PMP22: variants seen among roughly 807,000 people sequenced by gnomAD.
PMP22 encodes peripheral myelin protein 22.
A neutral mutation model predicts 18.9 loss-of-function variants in PMP22; 2 were observed. The observed-to-expected ratio is 0.11, with a 90% CI of 0.04 to 0.33. The LOEUF is 0.33. Ranked by LOEUF, PMP22 falls within the 10% of genes least tolerant of loss-of-function variation. The probability of loss-of-function intolerance (pLI) is 1.00; values close to 1 mark genes in which losing one functional copy is unlikely to be tolerated. For missense variants in PMP22, 169 were observed against 202.2 expected, an observed-to-expected ratio of 0.84 and a Z score of 1.00; for synonymous variants, 95 against 89.2, an observed-to-expected ratio of 1.07 and a Z score of -0.37.
chr17:15,262,815 C>T (rs1052076223), intron 1 of PMP22, among the ~76,000 whole-genome samples: 6 of 152,328 alleles, frequency 3.9e-5, no homozygotes, highest in Admixed American at 6.5e-5. Context: ...TCCCCTGGCC[C>T]CGTGGAGACC....
At chr17:15,252,314 G>T (rs540175934) in intron 3 of PMP22, among the ~76,000 whole-genome samples, 2 of 152,276 alleles carry the variant, frequency 1.3e-5, no homozygotes, top group South Asian at 4.2e-4. Flanking sequence ...GCTGAGACTG[G>T]CAAGATTTAG....
chr17:15,249,761 G>A (rs1260955146), intron 3 of PMP22, among the ~76,000 whole-genome samples: 1 of 152,086 alleles, frequency 6.6e-6, no homozygotes, highest in African/African-American at 2.4e-5. Flanking sequence ...GAGAGACGGG[G>A]GTCACCCTGC....
intron 3 of PMP22, among the ~76,000 whole-genome samples, chr17:15,242,663 AC>A (rs1907451256): frequency 1.3e-5 from 2 of 152,188 alleles, no homozygotes; most frequent in Non-Finnish European, 2.9e-5. Context: ...TGTCAGGTAG[AC>A]CAAAAAGAAG....
At chr17:15,254,827 C>T (rs1214882004) in intron 3 of PMP22, among the ~76,000 whole-genome samples, 1 of 152,110 alleles carries the variant, frequency 6.6e-6, no homozygotes, top group Non-Finnish European at 1.5e-5. Context: ...AGCGTGGTGG[C>T]GCATGCCTGT....
At chr17:15,252,950 T>C (rs1908491371) in intron 3 of PMP22, among the ~76,000 whole-genome samples, 1 of 152,180 alleles carries the variant, frequency 6.6e-6, no homozygotes, top group Admixed American at 6.5e-5. Flanking sequence ...ACACGTCAGG[T>C]CCACACAAAT....
rs752025670 is a variant in PMP22 at position 15,230,989 on chromosome 17, G to A, written c.411C>T (p.Ile137=). The part of the protein sequence containing the change: ...NSDYSYGFAY[I]LAWVAFPLAL... Reference sequence around the variant, plus strand: ...CCAGGGGGAAGGCCACCCAGGCCAGGATGTAGGCGAAACCGTAGGAGTAAT... The same window carrying A: ...CCAGGGGGAAGGCCACCCAGGCCAGAATGTAGGCGAAACCGTAGGAGTAAT... The change falls in exon 5 of 5, where the codon ATC becomes ATT. Residue 137 remains isoleucine (I), a synonymous_variant. Coordinates refer to ENST00000312280, the MANE Select transcript of PMP22 (RefSeq NM_000304.4). 3.7e-6 allele frequency: 6 copies of A among 1,614,040 alleles called. No homozygotes were observed. The East Asian group carries it at 1.3e-4, about 36-fold the overall frequency.
At chr17:15,240,924 T>C (rs1907266031) in intron 3 of PMP22, among the ~76,000 whole-genome samples, 1 of 152,222 alleles carries the variant, frequency 6.6e-6, no homozygotes, top group South Asian at 2.1e-4. Flanking sequence ...TGTAAGCAGC[T>C]CATGGCAGAA....
Position 15,260,754 on chromosome 17 carries a change from G to C in PMP22, c.-27C>G. ...CTGGCGGCAAGTTCTGCTCAGCGGA[G>C]TTTCTGCCTGCGAGGAGAGCGCTGG... On this transcript the variant is annotated 5_prime_UTR_variant, in exon 2 of 5. Transcript: ENST00000312280. 2 of 1,542,954 alleles carry C rather than the reference G, an allele frequency of 1.3e-6. No homozygotes were observed. The highest frequency in any genetic ancestry group is 1.8e-6 in the Non-Finnish European group (2 of 1,139,166).
At chr17:15,262,038 G>C (rs528590634) in intron 1 of PMP22, among the ~76,000 whole-genome samples, 83 of 152,338 alleles carry the variant, frequency 5.4e-4, no homozygotes, top group African/African-American at 1.8e-3. Flanking sequence ...CAGAGGGTTT[G>C]AATTAAGCCG....
intron 4 of PMP22, chr17:15,235,348 G>C: frequency 1.4e-6 from 1 of 717,050 alleles, no homozygotes; most frequent in Non-Finnish European, 2.6e-6. Flanking sequence ...GCTCCTCTAT[G>C]TGCCCCACAT....
intron 3 of PMP22, among the ~76,000 whole-genome samples, chr17:15,245,807 C>T (rs113239910): frequency 1.1e-4 from 17 of 151,944 alleles, no homozygotes; most frequent in African/African-American, 3.9e-4. Flanking sequence ...GAGATCGAGA[C>T]CATGCTGGCT....
At chr17:15,263,528 G>A (rs1218479845) in intron 1 of PMP22, among the ~76,000 whole-genome samples, 1 of 152,016 alleles carries the variant, frequency 6.6e-6, no homozygotes, top group African/African-American at 2.4e-5. Context: ...CAGGGAGCAG[G>A]AATGTGGATG....
chr17:15,259,913 G>A (rs1412713637), intron 2 of PMP22, among the ~76,000 whole-genome samples: 1 of 147,356 alleles, frequency 6.8e-6, no homozygotes, highest in Non-Finnish European at 1.5e-5. Context: ...ACTCCAGCCC[G>A]GGTGACAGGC....
chr17:15,247,001 C>T (rs2005811), intron 3 of PMP22, among the ~76,000 whole-genome samples: 2,145 of 132,368 alleles, frequency 0.016, 55 homozygotes, highest in African/African-American at 0.058. Context: ...ACCCGGAAGG[C>T]GGAGACTGCA....
intron 2 of PMP22, among the ~76,000 whole-genome samples, chr17:15,259,641 C>A (rs551187258): frequency 1.3e-5 from 2 of 152,132 alleles, no homozygotes; most frequent in African/African-American, 4.8e-5. Flanking sequence ...CTCACAGAGA[C>A]TAGAAAATCA....
At position 15,258,773 on chromosome 17, in the gene PMP22, G is replaced by A; in HGVS notation, c.178+321C>T. 2.5e-6 allele frequency: 1 copy of A among 397,186 alleles called. No homozygotes were observed. The highest frequency in any genetic ancestry group is 4.8e-6 in the Non-Finnish European group (1 of 208,016). 24.6% of individuals were successfully genotyped at this position (397,186 alleles called of 1,614,324 possible). On this transcript the variant is annotated intron_variant, in intron 3 of 4. Transcript: ENST00000312280. This position sits in a 1 kb window ranked among gnomAD's most constrained non-coding sequence, Gnocchi z 4.1. ...CAATGTCCCAAGGGGGTCTGCCAAAGGCTTAGCTATCATACCACCTTCACA... is the reference window on the plus strand; with the variant it reads ...CAATGTCCCAAGGGGGTCTGCCAAAAGCTTAGCTATCATACCACCTTCACA...
intron 3 of PMP22, among the ~76,000 whole-genome samples, chr17:15,242,389 A>C (rs1470079344): frequency 3.9e-5 from 6 of 151,984 alleles, no homozygotes; most frequent in African/African-American, 1.4e-4. Flanking sequence ...AAAAAGAAAG[A>C]AGATAAATTA....
At chr17:15,255,348 T>A (rs1908733070) in intron 3 of PMP22, among the ~76,000 whole-genome samples, 1 of 152,202 alleles carries the variant, frequency 6.6e-6, no homozygotes, top group Admixed American at 6.5e-5. Flanking sequence ...TGTGACCATG[T>A]CACATTTCAT....
intron 4 of PMP22, 126 bp downstream of exon 4, chr17:15,239,345 G>T: frequency 8.9e-7 from 1 of 1,120,308 alleles, no homozygotes. Context: ...TCACTTTATG[G>T]AAAGCATCCA....
Sources: gnomAD v4.1 joint callset for allele counts (sites outside exome capture counted in the v4.1 genomes callset) on GRCh38, gnomAD v4.1.1 for gene constraint, Gnocchi (gnomAD v3.1) non-coding constraint, MANE v1.5 for transcripts, NCBI Gene and HGNC (gene_info 2026-07-23, HGNC 2026-07-21) for gene names.